The following MACROD2 variants were observed in gnomAD, a reference collection of about 807,000 sequenced individuals.
The protein encoded by MACROD2 is mono-ADP ribosylhydrolase 2, also known as ADP-ribose glycohydrolase MACROD2.
A neutral mutation model predicts 70.4 loss-of-function variants in MACROD2; 36 were observed. That is an observed-to-expected ratio of 0.51 (90% CI 0.39 to 0.68). MACROD2 has a LOEUF of 0.68. Among genes scored for constraint, MACROD2 ranks in the 30% least tolerant of loss-of-function variants. The probability of loss-of-function intolerance (pLI) is 0.00; values close to 1 mark genes in which losing one functional copy is unlikely to be tolerated. For missense variants in MACROD2, 496 were observed against 538.4 expected (o/e 0.92, Z 0.78); for synonymous variants, 172 against 178.8 (o/e 0.96, Z 0.30).
intron 5 of MACROD2, among the ~76,000 whole-genome samples, chr20:14,719,672 G>GCCATAATACTTC (rs2071441323): frequency 6.6e-6 from 1 of 152,040 alleles, no homozygotes. Flanking sequence ...AAAAATGAGT[G>GCCATAATACTTC]CCATAATACT....
At chr20:14,018,634 A>T (rs377454770) in intron 2 of MACROD2, among the ~76,000 whole-genome samples, 412 of 152,168 alleles carry the variant, frequency 2.7e-3, no homozygotes, top group Middle Eastern at 0.014. Flanking sequence ...CATTTTGGTT[A>T]TTCTTTTTAG....
chr20:14,190,698 A>T (rs943687504), intron 3 of MACROD2, among the ~76,000 whole-genome samples: 811 of 28,068 alleles, frequency 0.029, 15 homozygotes, highest in African/African-American at 0.05. Context: ...ATATATATAT[A>T]TTTTTTTTTT....
At position 15,647,498 on chromosome 20, in the gene MACROD2, G is replaced by A. The variant is rs558804139; in HGVS notation, c.645+147651G>A. 4.6e-5 allele frequency among the ~76,000 whole-genome samples: 7 copies of A among 152,268 alleles called. No homozygotes were observed. In the South Asian group the frequency reaches 1.5e-3, roughly 32 times the overall value. On this transcript the variant is annotated intron_variant, in intron 8 of 17. Coordinates refer to ENST00000684519, the MANE Select transcript of MACROD2 (RefSeq NM_001351661.2). ...TAGGATGCACAAAATGATCCACTGAGACACAAGAAGAAAATATTAAAGTTT... is the reference window on the plus strand; with the variant it reads ...TAGGATGCACAAAATGATCCACTGAAACACAAGAAGAAAATATTAAAGTTT...
chr20:14,659,197 AT>A (rs1452704408), intron 4 of MACROD2, among the ~76,000 whole-genome samples: 2 of 152,312 alleles, frequency 1.3e-5, no homozygotes, highest in East Asian at 3.9e-4. Context: ...AAGAGAAGTT[AT>A]CTCTTGGGTT....
intron 4 of MACROD2, among the ~76,000 whole-genome samples, chr20:14,646,060 T>C (rs894964904): frequency 6.7e-6 from 1 of 150,130 alleles, no homozygotes; most frequent in African/African-American, 2.4e-5. Context: ...AGAAATACCA[T>C]ATATTAAATA....
chr20:14,734,394 A>G (rs1359864903), intron 5 of MACROD2, among the ~76,000 whole-genome samples: 4 of 151,472 alleles, frequency 2.6e-5, no homozygotes, highest in Non-Finnish European at 5.9e-5. Flanking sequence ...CCAGCTACTC[A>G]GGAGGCTGAG....
intron 5 of MACROD2, among the ~76,000 whole-genome samples, chr20:14,946,852 A>C (rs1236112538): frequency 6.6e-6 from 1 of 152,168 alleles, no homozygotes; most frequent in Non-Finnish European, 1.5e-5. Context: ...GGAGGGAAGA[A>C]GTAGATTCAA....
At chr20:15,390,681 A>C (rs923872539) in intron 6 of MACROD2, among the ~76,000 whole-genome samples, 1 of 152,212 alleles carries the variant, frequency 6.6e-6, no homozygotes, top group Non-Finnish European at 1.5e-5. Context: ...TAAAAGTTCC[A>C]ACTTTTACTA....
intron 3 of MACROD2, among the ~76,000 whole-genome samples, chr20:14,434,215 T>C (rs1263251866): frequency 6.6e-6 from 1 of 152,194 alleles, no homozygotes; most frequent in African/African-American, 2.4e-5. Context: ...TGACGTTACT[T>C]GTAAAGCAAA....
intron 5 of MACROD2, among the ~76,000 whole-genome samples, chr20:15,212,669 C>T (rs114241532): frequency 4.9e-4 from 75 of 152,292 alleles, no homozygotes; most frequent in African/African-American, 1.6e-3. Context: ...TGGACAAAAA[C>T]AAGGTCAGAG....
In MACROD2 at chr20:13,995,830, TG is replaced by T; in HGVS notation, c.46+26del. Reference sequence around the variant, plus strand: ...GAAAGGTAACCGGCCCGTCGAGTCCTGGGGGTGCGGGCGGTGGGGGTTAGGG... The same window carrying T: ...GAAAGGTAACCGGCCCGTCGAGTCCTGGGGTGCGGGCGGTGGGGGTTAGGG... On this transcript the variant is annotated intron_variant, in intron 1 of 17. Transcript: ENST00000684519. This position sits in a 1 kb window ranked among gnomAD's most constrained non-coding sequence, Gnocchi z 4.3. 8.8e-6 allele frequency: 4 copies of T among 456,282 alleles called. No homozygotes were observed. Among genetic ancestry groups the T allele is most frequent in the Non-Finnish European group, 1.6e-5 (4 of 248,322 alleles). 28.3% of individuals were successfully genotyped at this position (456,282 alleles called of 1,614,324 possible).
chr20:14,463,275 G>A (rs1305366863), intron 3 of MACROD2, among the ~76,000 whole-genome samples: 1 of 151,968 alleles, frequency 6.6e-6, no homozygotes, highest in Admixed American at 6.6e-5. Context: ...GGATTCCTAG[G>A]TATGTTATTC....
intron 5 of MACROD2, among the ~76,000 whole-genome samples, chr20:14,742,754 C>CT (rs1406616522): frequency 2.0e-5 from 3 of 150,300 alleles, no homozygotes; most frequent in African/African-American, 7.3e-5. Flanking sequence ...GTAATATAAA[C>CT]TTTATTTTAT....
At chr20:15,221,023 C>T (rs529265282) in intron 5 of MACROD2, among the ~76,000 whole-genome samples, 3 of 152,290 alleles carry the variant, frequency 2.0e-5, no homozygotes, top group Admixed American at 6.5e-5. Flanking sequence ...CATCAGCCTG[C>T]GTGTCCCGAC....
At position 15,548,748 on chromosome 20, in the gene MACROD2, A is replaced by G. The variant is rs573245578; in HGVS notation, c.645+48901A>G. Among the ~76,000 whole-genome samples the G allele has an allele frequency of 3.9e-5, 6 of 152,260 alleles. No individual in the cohort carries two copies. In the East Asian group the frequency reaches 1.2e-3, roughly 29 times the overall value. The stretch of plus-strand genomic sequence containing the variant: ...GCAGAAGTAGGGCTATGAAATTCCA[A>G]GCTAGGTCAGTAAAGGCCATACTAT... On this transcript the variant is annotated intron_variant, in intron 8 of 17. Coordinates refer to ENST00000684519, the MANE Select transcript of MACROD2 (RefSeq NM_001351661.2).
chr20:14,612,176 A>G (rs1425940393), intron 4 of MACROD2, among the ~76,000 whole-genome samples: 1 of 152,174 alleles, frequency 6.6e-6, no homozygotes, highest in African/African-American at 2.4e-5. Flanking sequence ...AGTTAAATAC[A>G]ATTAACCCAG....
chr20:15,932,839 G>A lies in MACROD2; in HGVS notation c.776-437G>A, dbSNP rs575005868. On this transcript the variant is annotated intron_variant, in intron 10 of 17. Coordinates refer to ENST00000684519, the MANE Select transcript of MACROD2 (RefSeq NM_001351661.2). ...CATAGGTATGTTAGACTGCCATATGGAAGTTAAGTGAAAATTGACCTTTTT... is the reference window on the plus strand; with the variant it reads ...CATAGGTATGTTAGACTGCCATATGAAAGTTAAGTGAAAATTGACCTTTTT... Among the ~76,000 whole-genome samples, 34 of 152,288 alleles carry A rather than the reference G, an allele frequency of 2.2e-4. No homozygotes were observed. In the East Asian group the frequency reaches 4.8e-3, roughly 22 times the overall value.
intron 3 of MACROD2, among the ~76,000 whole-genome samples, chr20:14,216,858 C>T (rs202100641): frequency 1.3e-5 from 2 of 151,956 alleles, no homozygotes; most frequent in Admixed American, 6.6e-5. Context: ...ACATTAATCT[C>T]GTATCTGGAA....
At position 14,551,125 on chromosome 20, in the gene MACROD2, T is replaced by C. The variant is rs372961333; in HGVS notation, c.301+57617T>C. Among the ~76,000 whole-genome samples, 22 of 152,270 alleles carry C rather than the reference T, an allele frequency of 1.4e-4. No individual in the cohort carries two copies. The East Asian group carries it at 2.3e-3, about 16-fold the overall frequency. On this transcript the variant is annotated intron_variant, in intron 4 of 17. Transcript: ENST00000684519. ...TATAAGGTCTCCGTACAAGCAGTTA[T>C]CATGCTCTGTCAGTCTTTCTATGCA...
Sources: gnomAD v4.1 joint callset for allele counts (sites outside exome capture counted in the v4.1 genomes callset) on GRCh38, gnomAD v4.1.1 for gene constraint, Gnocchi (gnomAD v3.1) non-coding constraint, MANE v1.5 for transcripts, NCBI Gene and HGNC (gene_info 2026-07-23, HGNC 2026-07-21) for gene names.